LSAMP: variants seen among roughly 807,000 people sequenced by gnomAD.
The protein encoded by LSAMP is limbic system associated membrane protein, also known as limbic system-associated membrane protein.
LSAMP carries 7 observed loss-of-function variants against 38.6 expected under a neutral mutation model. The observed-to-expected ratio is 0.18, with a 90% CI of 0.10 to 0.34. LSAMP has a LOEUF of 0.34. Ranked by LOEUF, LSAMP falls within the 10% of genes least tolerant of loss-of-function variation. LSAMP has a pLI of 1.00. For synonymous variants in LSAMP, 154 were observed against 166.8 expected, an observed-to-expected ratio of 0.92 and a Z score of 0.59; for missense variants, 313 against 420.0, an observed-to-expected ratio of 0.75 and a Z score of 2.23.
At chr3:115,967,892 A>G (rs190336579) in intron 3 of LSAMP, among the ~76,000 whole-genome samples, 1 of 152,162 alleles carries the variant, frequency 6.6e-6, no homozygotes, top group East Asian at 1.9e-4. Flanking sequence ...GAGCTACAAG[A>G]TGAGATTTGG....
chr3:115,832,225 A>G (rs2107485856), intron 6 of LSAMP, among the ~76,000 whole-genome samples: 1 of 152,288 alleles, frequency 6.6e-6, no homozygotes, highest in African/African-American at 2.4e-5. Flanking sequence ...TTAGGAAAGA[A>G]AGTTTTCCTT....
Position 116,042,718 on chromosome 3 carries a change from G to A in LSAMP, c.389-23078C>T, listed in dbSNP as rs140714836. 9.2e-3 allele frequency among the ~76,000 whole-genome samples: 1,398 copies of A among 152,252 alleles called. 19 individuals are homozygous for A. The highest frequency in any genetic ancestry group is 0.03 in the African/African-American group (1,243 of 41,548). ...GCTGGGATTACAGGTGTGAGCCACC[G>A]TGCCTGGCCTAATGAGCAGTTCTTA... On this transcript the variant is annotated intron_variant, in intron 2 of 6. Transcript: ENST00000490035.
At chr3:116,169,112 G>A (rs1261881350) in intron 1 of LSAMP, among the ~76,000 whole-genome samples, 1 of 152,120 alleles carries the variant, frequency 6.6e-6, no homozygotes, top group Non-Finnish European at 1.5e-5. Context: ...AGCTGAGGTG[G>A]GAGGATCCCT....
chr3:116,268,011 T>A (rs1370414240), intron 1 of LSAMP, among the ~76,000 whole-genome samples: 4 of 152,184 alleles, frequency 2.6e-5, no homozygotes, highest in Non-Finnish European at 4.4e-5. Flanking sequence ...AGTTAAATGA[T>A]ATGCCAGGGC....
chr3:116,433,805 C>A (rs971265473), intron 1 of LSAMP, among the ~76,000 whole-genome samples: 3 of 152,156 alleles, frequency 2.0e-5, no homozygotes, highest in African/African-American at 4.8e-5. Flanking sequence ...TAGATTCCTT[C>A]TTCTCAGAGC....
intron 1 of LSAMP, among the ~76,000 whole-genome samples, chr3:116,299,506 G>T (rs1438285132): frequency 6.6e-6 from 1 of 152,170 alleles, no homozygotes; most frequent in Non-Finnish European, 1.5e-5. Context: ...TGTGCTCATT[G>T]TAAAATGTAC....
At chr3:116,222,003 G>A (rs2107617685) in intron 1 of LSAMP, among the ~76,000 whole-genome samples, 1 of 152,178 alleles carries the variant, frequency 6.6e-6, no homozygotes, top group East Asian at 1.9e-4. Flanking sequence ...CTGGTTCTGA[G>A]AAGCCATTCC....
intron 6 of LSAMP, among the ~76,000 whole-genome samples, chr3:115,820,824 C>G (rs1001951076): frequency 1.3e-5 from 2 of 152,128 alleles, no homozygotes; most frequent in African/African-American, 4.8e-5. Context: ...AGGGGAGATT[C>G]TATTTTCTTT....
At chr3:116,429,800 C>G (rs1039783837) in intron 1 of LSAMP, among the ~76,000 whole-genome samples, 1 of 152,020 alleles carries the variant, frequency 6.6e-6, no homozygotes, top group East Asian at 1.9e-4. Context: ...GATTTGCAGA[C>G]GACATCATGT....
chr3:116,310,694 A>G (rs146413070), intron 1 of LSAMP, among the ~76,000 whole-genome samples: 4 of 152,268 alleles, frequency 2.6e-5, no homozygotes, highest in African/African-American at 7.2e-5. Flanking sequence ...TCTCAAGGCA[A>G]TTGGGTTCCT....
chr3:115,833,854 TA>T (rs1458235704), intron 6 of LSAMP, among the ~76,000 whole-genome samples: 1 of 152,182 alleles, frequency 6.6e-6, no homozygotes, highest in Non-Finnish European at 1.5e-5. Context: ...TATATTGTTT[TA>T]ATTTTATTTG....
At chr3:115,824,301 C>T (rs2107471257) in intron 6 of LSAMP, among the ~76,000 whole-genome samples, 1 of 152,300 alleles carries the variant, frequency 6.6e-6, no homozygotes, top group South Asian at 2.1e-4. Flanking sequence ...GGTTTCTCTG[C>T]CCTTGTGCCT....
At chr3:116,322,942 A>C (rs988371093) in intron 1 of LSAMP, among the ~76,000 whole-genome samples, 1 of 152,136 alleles carries the variant, frequency 6.6e-6, no homozygotes, top group African/African-American at 2.4e-5. Flanking sequence ...AATAGAACTG[A>C]ACTTACTGTG....
At chr3:115,844,783 C>T (rs960432166) in intron 4 of LSAMP, among the ~76,000 whole-genome samples, 13 of 152,104 alleles carry the variant, frequency 8.5e-5, no homozygotes, top group Non-Finnish European at 1.9e-4. Context: ...TTGAGACCAG[C>T]CTGGCCAACA....
intron 3 of LSAMP, among the ~76,000 whole-genome samples, chr3:115,900,823 G>T (rs1936856325): frequency 6.6e-6 from 1 of 152,180 alleles, no homozygotes; most frequent in African/African-American, 2.4e-5. Flanking sequence ...GGCACTCACA[G>T]TGGATTCTGC....
intron 2 of LSAMP, among the ~76,000 whole-genome samples, chr3:116,065,423 T>C (rs1707404238): frequency 6.6e-6 from 1 of 152,244 alleles, no homozygotes; most frequent in Non-Finnish European, 1.5e-5. Context: ...TGAAAAATTA[T>C]TGTTTGCTGT....
intron 1 of LSAMP, among the ~76,000 whole-genome samples, chr3:116,344,153 C>T (rs903540714): frequency 1.3e-5 from 2 of 152,046 alleles, no homozygotes; most frequent in African/African-American, 2.4e-5. Context: ...TCCCAAATGC[C>T]GAGTAGCTCT....
At chr3:116,044,556 G>C (rs529505922) in intron 2 of LSAMP, among the ~76,000 whole-genome samples, 2 of 152,048 alleles carry the variant, frequency 1.3e-5, no homozygotes, top group East Asian at 3.9e-4. Flanking sequence ...GACTGAAATG[G>C]GGAGTCTGAC....
Position 116,344,074 on chromosome 3 carries a change from G to A in LSAMP, c.155+100803C>T, listed in dbSNP as rs1559835194. 3.9e-5 allele frequency among the ~76,000 whole-genome samples: 6 copies of A among 152,144 alleles called. No homozygotes were observed. In the South Asian group the frequency reaches 1.2e-3, roughly 32 times the overall value. On this transcript the variant is annotated intron_variant, in intron 1 of 6. Transcript: ENST00000490035. ...ATAGAGTAATAAGCTCATCATGTGG[G>A]TACCAAAAGCAAGCAAATAAAAACT...
Sources: gnomAD v4.1 joint callset for allele counts (sites outside exome capture counted in the v4.1 genomes callset) on GRCh38, gnomAD v4.1.1 for gene constraint, MANE v1.5 for transcripts, NCBI Gene and HGNC (gene_info 2026-07-23, HGNC 2026-07-21) for gene names.